Variants in RIT2 observed in about 807,000 individuals in gnomAD.
The protein encoded by RIT2 is Ras like without CAAX 2.
RIT2 carries 24 observed loss-of-function variants against 23.7 expected under a neutral mutation model. The ratio of observed to expected loss-of-function variants is 1.01; its 90% CI spans 0.73 to 1.43. The LOEUF (loss-of-function observed/expected upper bound fraction) is 1.43, where lower values mean the gene tolerates loss of function less well. Among genes scored for constraint, RIT2 ranks in the 40% most tolerant of loss-of-function variants. RIT2 has a pLI of 0.00. For synonymous variants in RIT2, 107 were observed against 91.1 expected, an observed-to-expected ratio of 1.17 and a Z score of -0.99; for missense variants, 236 against 266.9, an observed-to-expected ratio of 0.88 and a Z score of 0.81.
chr18:42,872,996 A>G (rs934779447), intron 4 of RIT2, among the ~76,000 whole-genome samples: 1 of 152,124 alleles, frequency 6.6e-6, no homozygotes, highest in Admixed American at 6.6e-5. Flanking sequence ...AAAAATTTAC[A>G]GTATCTCATG....
intron 1 of RIT2, among the ~76,000 whole-genome samples, chr18:43,104,931 C>A (rs1375801138): frequency 6.6e-6 from 1 of 152,064 alleles, no homozygotes; most frequent in Non-Finnish European, 1.5e-5. Context: ...GAAGACATGT[C>A]ATATTACTCA....
intron 4 of RIT2, among the ~76,000 whole-genome samples, chr18:42,908,999 G>A (rs145041586): frequency 2.6e-5 from 4 of 152,154 alleles, no homozygotes; most frequent in African/African-American, 7.2e-5. Flanking sequence ...AAAAGAAGTC[G>A]TTGTATGAAA....
chr18:42,872,770 A>G (rs1306059701), intron 4 of RIT2, among the ~76,000 whole-genome samples: 10 of 152,168 alleles, frequency 6.6e-5, no homozygotes, highest in Non-Finnish European at 1.5e-4. Flanking sequence ...AAAATTTCTC[A>G]AATGTTAGAA....
chr18:43,080,322 C>T (rs777669388), intron 1 of RIT2, among the ~76,000 whole-genome samples: 7 of 152,198 alleles, frequency 4.6e-5, no homozygotes, highest in South Asian at 2.1e-4. Context: ...TGCTCTCCAA[C>T]GTAAAACTTA....
chr18:42,905,969 C>A (rs1908603088), intron 4 of RIT2, among the ~76,000 whole-genome samples: 1 of 137,014 alleles, frequency 7.3e-6, no homozygotes, highest in Non-Finnish European at 1.5e-5. Context: ...GTAAATGAAG[C>A]AAATTGAAAT....
chr18:42,981,613 T>A (rs1030576804), intron 2 of RIT2, among the ~76,000 whole-genome samples: 1 of 151,934 alleles, frequency 6.6e-6, no homozygotes, highest in Non-Finnish European at 1.5e-5. Context: ...TGCCATAATC[T>A]CGAATGTTGA....
intron 2 of RIT2, among the ~76,000 whole-genome samples, chr18:42,978,727 G>C (rs1910529420): frequency 6.6e-6 from 1 of 152,098 alleles, no homozygotes. Context: ...TTTAATTTGA[G>C]ATCATTGCTT....
chr18:43,074,110 A>G (rs886697127), intron 1 of RIT2, among the ~76,000 whole-genome samples: 3 of 152,184 alleles, frequency 2.0e-5, no homozygotes, highest in Admixed American at 1.3e-4. Context: ...ACAATTACAG[A>G]TAGTAACTTT....
At chr18:42,882,745 G>C (rs1459283733) in intron 4 of RIT2, among the ~76,000 whole-genome samples, 1 of 152,172 alleles carries the variant, frequency 6.6e-6, no homozygotes, top group Non-Finnish European at 1.5e-5. Context: ...TTCTCCAGAA[G>C]AGGACCACAG....
intron 1 of RIT2, among the ~76,000 whole-genome samples, chr18:43,074,484 G>A (rs920696284): frequency 3.9e-5 from 6 of 152,142 alleles, no homozygotes; most frequent in Admixed American, 3.9e-4. Context: ...GTTCCCCAAT[G>A]AGTCCTGAAA....
At chr18:42,850,082 T>TGTGTGTGTGTGA (rs1907012070) in intron 4 of RIT2, among the ~76,000 whole-genome samples, 3 of 148,102 alleles carry the variant, frequency 2.0e-5, no homozygotes, top group African/African-American at 7.8e-5. Flanking sequence ...CACCCGTGTG[T>TGTGTGTGTGTGA]GTGTGTGTGT....
intron 3 of RIT2, among the ~76,000 whole-genome samples, chr18:42,925,527 AT>A (rs1909158676): frequency 6.6e-6 from 1 of 152,014 alleles, no homozygotes; most frequent in African/African-American, 2.4e-5. Flanking sequence ...GAAAAGATCC[AT>A]TTTACAATTT....
At chr18:43,078,746 C>T (rs1913084413) in intron 1 of RIT2, among the ~76,000 whole-genome samples, 1 of 152,194 alleles carries the variant, frequency 6.6e-6, no homozygotes, top group East Asian at 1.9e-4. Flanking sequence ...GCTTTGGACC[C>T]AGGAGAGTTA....
chr18:42,868,425 T>C (rs1907530477), intron 4 of RIT2, among the ~76,000 whole-genome samples: 1 of 152,232 alleles, frequency 6.6e-6, no homozygotes, highest in Non-Finnish European at 1.5e-5. Flanking sequence ...TTAAGCAAAC[T>C]GAGGAAACCA....
chr18:43,014,593 A>AT (rs1911428877), intron 2 of RIT2, among the ~76,000 whole-genome samples: 2 of 13,332 alleles, frequency 1.5e-4, no homozygotes, highest in Non-Finnish European at 2.9e-3. Context: ...TGTAGAAATA[A>AT]TTAAAAACAT....
At chr18:42,923,393 G>T in intron 4 of RIT2, 179 bp downstream of exon 4, 1 of 641,494 alleles carries the variant, frequency 1.6e-6, no homozygotes, top group South Asian at 2.0e-5. Context: ...AGCATATGTG[G>T]TAAAATATAT....
At chr18:42,908,097 T>C (rs183590199) in intron 4 of RIT2, among the ~76,000 whole-genome samples, 2 of 146,720 alleles carry the variant, frequency 1.4e-5, no homozygotes, top group Non-Finnish European at 1.5e-5. Flanking sequence ...AAGAATCTAA[T>C]AGAAATTGTG....
intron 4 of RIT2, among the ~76,000 whole-genome samples, chr18:42,749,821 C>T (rs780439966): frequency 6.6e-6 from 1 of 151,740 alleles, no homozygotes; most frequent in African/African-American, 2.4e-5. Context: ...TGATTAAAAC[C>T]TTTCCCATAA....
At chr18:43,026,032 T>C (rs1911709384) in intron 2 of RIT2, among the ~76,000 whole-genome samples, 2 of 151,950 alleles carry the variant, frequency 1.3e-5, no homozygotes, top group South Asian at 4.1e-4. Context: ...AGCTGCAAAG[T>C]GAGGCAAGAG....
Sources: allele counts gnomAD v4.1 joint callset (sites outside exome capture counted in the v4.1 genomes callset), GRCh38; gene constraint gnomAD v4.1.1; transcripts MANE v1.5; gene names NCBI Gene and HGNC (gene_info 2026-07-23, HGNC 2026-07-21).